Variants in RIMS2 observed in about 807,000 individuals in gnomAD.
RIMS2 encodes the protein regulating synaptic membrane exocytosis protein 2.
Under a neutral mutation model 174.4 loss-of-function variants are expected in RIMS2, and 59 were observed. That is an observed-to-expected ratio of 0.34 (90% CI 0.27 to 0.42). RIMS2 has a LOEUF of 0.42. Among genes scored for constraint, RIMS2 ranks in the 10% least tolerant of loss-of-function variants. RIMS2 has a pLI of 1.00. For missense variants in RIMS2, 1,620 were observed against 1,666.3 expected (o/e 0.97, Z 0.48); for synonymous variants, 606 against 572.5 (o/e 1.06, Z -0.84).
chr8:103,802,901 TC>T (rs1220321474), intron 3 of RIMS2, among the ~76,000 whole-genome samples: 1 of 152,208 alleles, frequency 6.6e-6, no homozygotes, highest in African/African-American at 2.4e-5. Context: ...AGATACATTT[TC>T]CTATTGCATA....
chr8:103,926,544 T>C (rs962466713), intron 10 of RIMS2, among the ~76,000 whole-genome samples: 1 of 151,490 alleles, frequency 6.6e-6, no homozygotes, highest in African/African-American at 2.4e-5. Flanking sequence ...TTCCTTTGGG[T>C]TTTAGATTTA....
intron 19 of RIMS2, among the ~76,000 whole-genome samples, chr8:104,058,316 C>G (rs1242842679): frequency 2.0e-5 from 3 of 146,628 alleles, no homozygotes; most frequent in Admixed American, 6.8e-5. Context: ...TCTCTGATGG[C>G]CAGTGATGAT....
intron 19 of RIMS2, among the ~76,000 whole-genome samples, chr8:104,106,440 A>G (rs892763853): frequency 1.3e-5 from 2 of 148,788 alleles, no homozygotes; most frequent in African/African-American, 5.0e-5. Flanking sequence ...AAAAATGTTC[A>G]TTATCATTGA....
At chr8:103,836,148 G>A (rs561160709) in intron 3 of RIMS2, among the ~76,000 whole-genome samples, 1 of 152,182 alleles carries the variant, frequency 6.6e-6, no homozygotes, top group Non-Finnish European at 1.5e-5. Context: ...GGTTAAAGAT[G>A]AAATTAATTG....
At chr8:103,583,972 T>C (rs2093761247) in intron 1 of RIMS2, among the ~76,000 whole-genome samples, 1 of 152,164 alleles carries the variant, frequency 6.6e-6, no homozygotes, top group Non-Finnish European at 1.5e-5. Flanking sequence ...AAGAAGGTTA[T>C]AGAACTAAAG....
intron 3 of RIMS2, among the ~76,000 whole-genome samples, chr8:103,837,177 G>T (rs2098901454): frequency 6.6e-6 from 1 of 152,298 alleles, no homozygotes; most frequent in East Asian, 1.9e-4. Flanking sequence ...AGGTGGGCTT[G>T]TTTGAGTTCT....
At chr8:103,819,163 A>G in intron 3 of RIMS2, 1 of 1,050,694 alleles carries the variant, frequency 9.5e-7, no homozygotes, top group Non-Finnish European at 1.2e-6. Flanking sequence ...TATTCATTGC[A>G]TGTTTTTAAT....
intron 19 of RIMS2, among the ~76,000 whole-genome samples, chr8:104,164,313 T>C (rs2134991015): frequency 6.6e-6 from 1 of 152,322 alleles, no homozygotes; most frequent in African/African-American, 2.4e-5. Flanking sequence ...GATAAAGTTC[T>C]GCTTCAACAC....
intron 1 of RIMS2, among the ~76,000 whole-genome samples, chr8:103,584,051 T>A (rs2132966273): frequency 6.6e-6 from 1 of 151,872 alleles, no homozygotes. Flanking sequence ...TTTAATAAAC[T>A]CCCAAAGGTC....
At chr8:104,189,953 C>A (rs1175253845) in intron 19 of RIMS2, among the ~76,000 whole-genome samples, 1 of 151,964 alleles carries the variant, frequency 6.6e-6, no homozygotes, top group African/African-American at 2.4e-5. Flanking sequence ...CTTCAAGGGT[C>A]ATTGGCCTCT....
intron 19 of RIMS2, among the ~76,000 whole-genome samples, chr8:104,171,012 G>T (rs72685029): frequency 0.23 from 35,149 of 152,004 alleles, 4,728 homozygotes; most frequent in Non-Finnish European, 0.31. Flanking sequence ...ATTTTCTGCT[G>T]AGAAGTCTGC....
intron 19 of RIMS2, among the ~76,000 whole-genome samples, chr8:104,195,702 A>T (rs531900475): frequency 6.6e-6 from 1 of 152,046 alleles, no homozygotes; most frequent in Admixed American, 6.6e-5. Context: ...TTTAGTAGAG[A>T]TGGGGATTCA....
chr8:103,622,109 G>A lies in RIMS2; in HGVS notation c.177-74977G>A, dbSNP rs575039062. Among the ~76,000 whole-genome samples, 4 of 152,068 alleles carry A rather than the reference G, an allele frequency of 2.6e-5. No homozygotes were observed. The East Asian group carries it at 7.7e-4, about 29-fold the overall frequency. The stretch of plus-strand genomic sequence containing the variant: ...TAACAATATAAAAATTATTCACAAA[G>A]AATAAGGTTATTACCCTTTACAGAA... On this transcript the variant is annotated intron_variant, in intron 1 of 23. Coordinates refer to ENST00000504942, the Ensembl canonical transcript of RIMS2.
intron 1 of RIMS2, among the ~76,000 whole-genome samples, chr8:103,669,469 A>G (rs2096717422): frequency 6.6e-6 from 1 of 152,256 alleles, no homozygotes; most frequent in Admixed American, 6.5e-5. Context: ...CCATTAACTC[A>G]GAAGTCCACA....
intron 2 of RIMS2, among the ~76,000 whole-genome samples, chr8:103,739,751 A>G (rs1360340082): frequency 1.3e-5 from 2 of 152,256 alleles, no homozygotes; most frequent in East Asian, 1.9e-4. Flanking sequence ...TCTCTTTATC[A>G]TGTATTACTC....
intron 1 of RIMS2, 53 bp downstream of exon 1, chr8:103,501,115 C>T: frequency 1.4e-6 from 2 of 1,411,918 alleles, no homozygotes; most frequent in Non-Finnish European, 9.5e-7. Context: ...CGCCCCCTCG[C>T]CCACTGCCCT....
intron 2 of RIMS2, among the ~76,000 whole-genome samples, chr8:103,724,065 C>G (rs2097494101): frequency 6.6e-6 from 1 of 151,270 alleles, no homozygotes; most frequent in South Asian, 2.1e-4. Flanking sequence ...CCCCGCCCCC[C>G]CACAGAAATG....
At chr8:103,971,671 A>G (rs1244941233) in intron 15 of RIMS2, among the ~76,000 whole-genome samples, 1 of 151,906 alleles carries the variant, frequency 6.6e-6, no homozygotes, top group African/African-American at 2.4e-5. Flanking sequence ...TCCCGGGTTC[A>G]AGCAATGCGT....
chr8:103,530,572 A>T (rs1836552312), intron 1 of RIMS2, among the ~76,000 whole-genome samples: 1 of 152,170 alleles, frequency 6.6e-6, no homozygotes, highest in Non-Finnish European at 1.5e-5. Flanking sequence ...TGATATTAAA[A>T]TATACTTTGC....
Sources: gnomAD v4.1 joint callset for allele counts (sites outside exome capture counted in the v4.1 genomes callset) on GRCh38, gnomAD v4.1.1 for gene constraint, MANE v1.5 for transcripts, NCBI Gene and HGNC (gene_info 2026-07-23, HGNC 2026-07-21) for gene names.